STX17: variants seen among roughly 807,000 people sequenced by gnomAD.
STX17 encodes syntaxin 17, also known as syntaxin-17.
In STX17, 29 loss-of-function variants were observed where a neutral mutation model predicts 35.9. The observed-to-expected ratio is 0.81, with a 90% confidence interval of 0.60 to 1.10. STX17 has a LOEUF of 1.10. Ranked by LOEUF, STX17 falls within the 50% of genes least tolerant of loss-of-function variation. STX17 has a pLI of 0.00. For missense variants in STX17, 312 were observed against 352.3 expected (o/e 0.89, Z 0.92); for synonymous variants, 92 against 118.3 (o/e 0.78, Z 1.44).
At chr9:99,927,032 G>A (rs1358535503) in intron 2 of STX17, among the ~76,000 whole-genome samples, 1 of 152,122 alleles carries the variant, frequency 6.6e-6, no homozygotes, top group Non-Finnish European at 1.5e-5. Flanking sequence ...ATGCATGTGT[G>A]GAGGAGTCCT....
At chr9:99,943,627 AAAAGT>A (rs1829414950) in intron 3 of STX17, among the ~76,000 whole-genome samples, 3 of 152,326 alleles carry the variant, frequency 2.0e-5, no homozygotes, top group Admixed American at 1.3e-4. Flanking sequence ...ATATTTGAAT[AAAAGT>A]GACATCTTTG....
intron 4 of STX17, among the ~76,000 whole-genome samples, chr9:99,952,646 A>T (rs1048895257): frequency 3.9e-5 from 6 of 152,306 alleles, no homozygotes; most frequent in East Asian, 1.9e-4. Context: ...TCCAACAATG[A>T]TCGACTGGAT....
rs757848189 is a variant in STX17 at position 99,912,190 on chromosome 9, C to T, written c.-62-2988C>T. 2.2e-4 allele frequency among the ~76,000 whole-genome samples: 34 copies of T among 151,696 alleles called. No homozygotes were observed. The Middle Eastern group carries it at 0.01, about 46-fold the overall frequency. Reference sequence around the variant, plus strand: ...GCAGTAAGCTGAGCTCGTGCCACTGCACTCCAGCCTGGGTGACAAGAGCGA... The same window carrying T: ...GCAGTAAGCTGAGCTCGTGCCACTGTACTCCAGCCTGGGTGACAAGAGCGA... On this transcript the variant is annotated intron_variant, in intron 1 of 7. Transcript: ENST00000259400.
intron 3 of STX17, among the ~76,000 whole-genome samples, chr9:99,945,146 C>T (rs1186802611): frequency 6.6e-6 from 1 of 151,990 alleles, no homozygotes; most frequent in Non-Finnish European, 1.5e-5. Context: ...TGTTCAAATC[C>T]TCTATATTAA....
chr9:99,922,082 C>T (rs542009650), intron 2 of STX17, among the ~76,000 whole-genome samples: 1 of 152,270 alleles, frequency 6.6e-6, no homozygotes, highest in South Asian at 2.1e-4. Flanking sequence ...CTCAGCACGT[C>T]CTGATGATAC....
rs200235537 is a variant in STX17, at chr9:99,960,146, C to G, written c.573C>G (p.Leu191=). The G allele has an allele frequency of 4.5e-4, 729 of 1,613,908 alleles. 20 individuals carry two copies. The Admixed American group carries it at 0.012, about 26-fold the overall frequency. The change falls in exon 6 of 8, where the codon CTC becomes CTG. Residue 191 remains leucine, a synonymous_variant. Transcript: ENST00000259400. ...ELSQLVTDFS[L]LVNSQQEKID... Reference sequence around the variant, plus strand: ...GCCAACTGGTCACTGACTTCTCTCTCCTAGTGAATGTAAGTATATAACTGT... The same window carrying G: ...GCCAACTGGTCACTGACTTCTCTCTGCTAGTGAATGTAAGTATATAACTGT...
chr9:99,943,369 G>T (rs1030284204), intron 3 of STX17, among the ~76,000 whole-genome samples: 3 of 151,944 alleles, frequency 2.0e-5, no homozygotes, highest in Admixed American at 6.6e-5. Context: ...GTGCAGTGGC[G>T]CAATCTTGGC....
Position 99,915,300 on chromosome 9 carries a change from A to G in STX17, c.61A>G (p.Ile21Val). ...TCTTGAACCAGCTATCCAGAAATTC[A>G]TTAAGATAGTAATCCCAACAGACCT... ...RRLEPAIQKF[I>V]KIVIPTDLER... Residue 21 changes from isoleucine to valine, a missense_variant, in exon 2 of 8, where the codon ATT (isoleucine) becomes GTT (valine). By Grantham distance (29) the Ile-to-Val change is conservative (BLOSUM62 3). Coordinates refer to ENST00000259400, the MANE Select transcript of STX17 (RefSeq NM_017919.3). 1 of 1,613,120 alleles carries G rather than the reference A, an allele frequency of 6.2e-7. No homozygotes were observed.
At chr9:99,947,932 A>T (rs372194693) in intron 3 of STX17, among the ~76,000 whole-genome samples, 1 of 150,274 alleles carries the variant, frequency 6.7e-6, no homozygotes, top group Non-Finnish European at 1.5e-5. Flanking sequence ...TGTTTGCTTT[A>T]TGGTACTTTT....
Position 99,972,902 on chromosome 9 carries a change from T to G in STX17, c.*4229T>G, listed in dbSNP as rs1239738362. 6.6e-6 allele frequency among the ~76,000 whole-genome samples: 1 copy of G among 152,154 alleles called. No individual in the cohort carries two copies. The highest frequency in any genetic ancestry group is 1.5e-5 in the Non-Finnish European group (1 of 68,026). On this transcript the variant is annotated 3_prime_UTR_variant, in exon 8 of 8. Coordinates refer to ENST00000259400, the MANE Select transcript of STX17 (RefSeq NM_017919.3). ...TTTGTTATTAAGTAGAACGTGGCTG[T>G]GGTTCACAGGTACTTAACGAATGTT...
At chr9:99,928,684 T>C in intron 2 of STX17, 94 bp from the exon 3 acceptor site, 1 of 1,005,728 alleles carries the variant, frequency 9.9e-7, no homozygotes, top group Non-Finnish European at 1.5e-6. Flanking sequence ...ATAGTATGTT[T>C]AAGTTTGGGT....
intron 2 of STX17, among the ~76,000 whole-genome samples, chr9:99,928,261 G>T (rs1019733877): frequency 1.3e-5 from 2 of 151,968 alleles, no homozygotes; most frequent in African/African-American, 2.4e-5. Context: ...GCTAACAGTT[G>T]CCTTGGTAAA....
At chr9:99,949,364 A>AG (rs1554701376) in intron 3 of STX17, among the ~76,000 whole-genome samples, 1 of 151,208 alleles carries the variant, frequency 6.6e-6, no homozygotes, top group Non-Finnish European at 1.5e-5. Flanking sequence ...TAACTAAACT[A>AG]TTTTTTTTTC....
chr9:99,950,434 T>C (rs1408054384), intron 3 of STX17, among the ~76,000 whole-genome samples: 1 of 151,932 alleles, frequency 6.6e-6, no homozygotes, highest in Non-Finnish European at 1.5e-5. Context: ...TGTTAATATA[T>C]ACTAATATAG....
chr9:99,945,068 CAT>C (rs1488851708), intron 3 of STX17, among the ~76,000 whole-genome samples: 8 of 152,206 alleles, frequency 5.3e-5, no homozygotes, highest in South Asian at 2.1e-4. Context: ...GTGTTTTTGA[CAT>C]GTGTATTCTC....
chr9:99,927,151 G>A lies in STX17; in HGVS notation c.124-1627G>A, dbSNP rs1358355622. Among the ~76,000 whole-genome samples the A allele has an allele frequency of 3.9e-5, 6 of 152,180 alleles. No individual in the cohort carries two copies. In the East Asian group the frequency reaches 5.8e-4, roughly 15 times the overall value. On this transcript the variant is annotated intron_variant, in intron 2 of 7. Coordinates refer to ENST00000259400, the MANE Select transcript of STX17 (RefSeq NM_017919.3). ...TTCACCATGCAGCCTTCTCCTCTCT[G>A]GTATTCTCTGATCCATGAATTCTGA...
At chr9:99,940,626 A>C (rs1829336343) in intron 3 of STX17, among the ~76,000 whole-genome samples, 1 of 151,328 alleles carries the variant, frequency 6.6e-6, no homozygotes, top group Admixed American at 6.6e-5. Flanking sequence ...TTACAGGCGC[A>C]CACCACCATG....
chr9:99,917,421 G>A (rs541068390), intron 2 of STX17, among the ~76,000 whole-genome samples: 1 of 152,114 alleles, frequency 6.6e-6, no homozygotes, highest in Middle Eastern at 3.2e-3. Context: ...TTTCAAAAAG[G>A]CATATTATTC....
chr9:99,932,530 G>A (rs1434182154), intron 3 of STX17, among the ~76,000 whole-genome samples: 1 of 152,120 alleles, frequency 6.6e-6, no homozygotes, highest in Non-Finnish European at 1.5e-5. Flanking sequence ...GCATGTTAAT[G>A]ATTTAATGAG....
Sources: allele counts gnomAD v4.1 joint callset (sites outside exome capture counted in the v4.1 genomes callset), GRCh38; gene constraint gnomAD v4.1.1; transcripts MANE v1.5; gene names NCBI Gene and HGNC (gene_info 2026-07-23, HGNC 2026-07-21).